EYS: variants seen among roughly 807,000 people sequenced by gnomAD.
EYS encodes EGF-like photoreceptor maintenance factor, also known as protein eyes shut homolog.
Under a neutral mutation model 282.1 loss-of-function variants are expected in EYS, and 250 were observed. The ratio of observed to expected loss-of-function variants is 0.89; its 90% CI spans 0.80 to 0.98. The LOEUF (loss-of-function observed/expected upper bound fraction) is 0.98. Ranked by LOEUF, EYS falls within the 50% of genes least tolerant of loss-of-function variation. EYS has a pLI of 0.00. For synonymous variants in EYS, 1,355 were observed against 1,282.9 expected, an observed-to-expected ratio of 1.06 and a Z score of -1.20; for missense variants, 4,016 against 3,709.0, an observed-to-expected ratio of 1.08 and a Z score of -2.15.
chr6:64,281,085 G>A (rs958761935), intron 30 of EYS, among the ~76,000 whole-genome samples: 4 of 152,000 alleles, frequency 2.6e-5, no homozygotes, highest in Admixed American at 2.0e-4. Context: ...ATTATTTAAA[G>A]CATTCTGCCC....
At chr6:64,757,735 T>C (rs1386265092) in intron 22 of EYS, among the ~76,000 whole-genome samples, 1 of 116,964 alleles carries the variant, frequency 8.5e-6, no homozygotes, top group African/African-American at 2.8e-5. Flanking sequence ...ATTTTTTTTC[T>C]TTTTTTCTTT....
intron 22 of EYS, among the ~76,000 whole-genome samples, chr6:64,630,969 T>C (rs568127315): frequency 6.6e-6 from 1 of 152,306 alleles, no homozygotes; most frequent in South Asian, 2.1e-4. Context: ...ATAAGCATTT[T>C]AATAGAATGT....
At chr6:65,422,958 A>G (rs1004215233) in intron 5 of EYS, among the ~76,000 whole-genome samples, 30 of 151,836 alleles carry the variant, frequency 2.0e-4, no homozygotes, top group Non-Finnish European at 3.5e-4. Flanking sequence ...TCTGTCCATC[A>G]TCATTATAAC....
intron 19 of EYS, among the ~76,000 whole-genome samples, chr6:64,876,135 T>C (rs1038019731): frequency 6.6e-6 from 1 of 152,044 alleles, no homozygotes; most frequent in African/African-American, 2.4e-5. Flanking sequence ...CTTTGTAATA[T>C]TACATCAAAT....
At chr6:63,873,544 G>C (rs1772875802) in intron 35 of EYS, among the ~76,000 whole-genome samples, 2 of 152,102 alleles carry the variant, frequency 1.3e-5, no homozygotes, top group East Asian at 3.9e-4. Flanking sequence ...GGTCAAATGG[G>C]ATTTCTAGTT....
chr6:65,196,186 T>C (rs1042514416), intron 12 of EYS, among the ~76,000 whole-genome samples: 5 of 152,008 alleles, frequency 3.3e-5, no homozygotes, highest in African/African-American at 9.7e-5. Flanking sequence ...CGAGTGCTAC[T>C]AGATCTAGAG....
At chr6:64,797,461 C>T (rs1057418210) in intron 22 of EYS, among the ~76,000 whole-genome samples, 15 of 151,840 alleles carry the variant, frequency 9.9e-5, no homozygotes, top group African/African-American at 3.6e-4. Context: ...CAGAGAAATC[C>T]TTAGTTTTCC....
At chr6:65,426,808 A>G (rs184481667) in intron 5 of EYS, among the ~76,000 whole-genome samples, 22 of 152,260 alleles carry the variant, frequency 1.4e-4, no homozygotes, top group Admixed American at 9.8e-4. Context: ...AACAGATGTT[A>G]ATAAGTTATA....
intron 2 of EYS, among the ~76,000 whole-genome samples, chr6:65,539,612 T>C (rs796818924): frequency 5.9e-5 from 9 of 152,312 alleles, no homozygotes; most frequent in African/African-American, 2.2e-4. Context: ...GGTTCTTATA[T>C]ATATCAAATA....
intron 22 of EYS, among the ~76,000 whole-genome samples, chr6:64,633,526 A>G (rs7765061): frequency 0.027 from 4,085 of 152,156 alleles, 199 homozygotes; most frequent in African/African-American, 0.093. Context: ...GGGAAAAATA[A>G]AAGTTAAATA....
At chr6:64,201,306 T>G (rs1477676139) in intron 31 of EYS, among the ~76,000 whole-genome samples, 2 of 152,132 alleles carry the variant, frequency 1.3e-5, no homozygotes, top group African/African-American at 4.8e-5. Flanking sequence ...GGTCTATAAA[T>G]ACTAGTTAGA....
rs1469638319 is a variant in EYS, at chr6:65,004,799, T to C, written c.2138-7096A>G. ...TTATCATTGTGACTCTCTCTCTCTC[T>C]CCCTTTCCCTCTACATTACAATTTA... On this transcript the variant is annotated intron_variant, in intron 13 of 42. Coordinates refer to ENST00000503581, the MANE Select transcript of EYS (RefSeq NM_001142800.2). 1.4e-5 allele frequency among the ~76,000 whole-genome samples: 2 copies of C among 147,888 alleles called. 1 individual carries two copies. The highest frequency in any genetic ancestry group is 3.0e-5 in the Non-Finnish European group (2 of 65,992).
chr6:65,342,775 A>G (rs1452718523), intron 10 of EYS, among the ~76,000 whole-genome samples: 2 of 150,676 alleles, frequency 1.3e-5, no homozygotes, highest in Non-Finnish European at 3.0e-5. Context: ...TTAGATTGCT[A>G]TATTTGCGTA....
chr6:64,246,141 A>C (rs1767012794), intron 30 of EYS, among the ~76,000 whole-genome samples: 1 of 149,874 alleles, frequency 6.7e-6, no homozygotes, highest in Admixed American at 6.7e-5. Context: ...TCCTCCTCCT[A>C]CATATAGGTG....
At chr6:63,755,085 T>C (rs1769442659) in intron 41 of EYS, among the ~76,000 whole-genome samples, 1 of 152,174 alleles carries the variant, frequency 6.6e-6, no homozygotes, top group Non-Finnish European at 1.5e-5. Flanking sequence ...AGATCCTGGA[T>C]ATTTGCCGTT....
intron 26 of EYS, among the ~76,000 whole-genome samples, chr6:64,513,134 T>C (rs1777459983): frequency 6.6e-6 from 1 of 151,858 alleles, no homozygotes; most frequent in African/African-American, 2.4e-5. Context: ...AAATCTAAAA[T>C]TGATCAGGTA....
chr6:64,540,401 T>A (rs978538073), intron 26 of EYS, among the ~76,000 whole-genome samples: 1 of 151,376 alleles, frequency 6.6e-6, no homozygotes, highest in African/African-American at 2.4e-5. Context: ...TATTTACACA[T>A]AACCTATTGT....
At chr6:65,613,181 C>T (rs1236480263) in intron 2 of EYS, among the ~76,000 whole-genome samples, 2 of 151,718 alleles carry the variant, frequency 1.3e-5, no homozygotes. Context: ...ACAGTACATG[C>T]AAAATCACAT....
intron 11 of EYS, among the ~76,000 whole-genome samples, chr6:65,312,775 C>G (rs1769195070): frequency 6.6e-6 from 1 of 152,176 alleles, no homozygotes; most frequent in Admixed American, 6.5e-5. Context: ...GGGGGCAGAG[C>G]TTCAACGTTA....
Sources: allele counts gnomAD v4.1 joint callset (sites outside exome capture counted in the v4.1 genomes callset), GRCh38; gene constraint gnomAD v4.1.1; transcripts MANE v1.5; gene names NCBI Gene and HGNC (gene_info 2026-07-23, HGNC 2026-07-21).